The following PCSK1 variants were observed in gnomAD, a reference collection of about 807,000 sequenced individuals.
PCSK1 encodes neuroendocrine convertase 1.
PCSK1 carries 56 observed loss-of-function variants against 90.6 expected under a neutral mutation model. The observed-to-expected ratio is 0.62, with a 90% confidence interval of 0.50 to 0.77. The LOEUF is 0.77. PCSK1 is among the 30% of genes least tolerant of loss of function. The pLI is 0.00. For synonymous variants in PCSK1, 348 were observed against 342.4 expected (o/e 1.02, Z -0.18); for missense variants, 801 against 932.6 (o/e 0.86, Z 1.84).
chr5:96,423,082 C>T (rs986932039), intron 4 of PCSK1, among the ~76,000 whole-genome samples: 2 of 152,170 alleles, frequency 1.3e-5, no homozygotes, highest in Admixed American at 1.3e-4. Context: ...CCTTCTTCTC[C>T]CAACACATAT....
rs775618000 is a variant in PCSK1, at chr5:96,410,847, G to A, written c.1022C>T (p.Pro341Leu). ...ISSASQQGLS[P>L]WYAEKCSSTL... ...GGAGGAGCACTTCTCAGCGTACCAG[G>A]GGGATAGGCCTTGCTGGGAGGCACT... Residue 341 changes from proline to leucine, a missense_variant, in exon 8 of 14, where the codon CCC (proline) becomes CTC (leucine). Transcript: ENST00000311106. 1.9e-6 allele frequency: 3 copies of A among 1,614,122 alleles called. No individual in the cohort carries two copies. The highest frequency in any genetic ancestry group is 2.5e-6 in the Non-Finnish European group (3 of 1,179,972).
At chr5:96,431,340 C>T (rs767293943) in intron 1 of PCSK1, among the ~76,000 whole-genome samples, 8 of 152,176 alleles carry the variant, frequency 5.3e-5, no homozygotes, top group Non-Finnish European at 7.3e-5. Context: ...CTTCTGTTCC[C>T]GGAGCAAATG....
intron 4 of PCSK1, among the ~76,000 whole-genome samples, chr5:96,422,169 T>C (rs552983987): frequency 1.6e-4 from 23 of 145,008 alleles, no homozygotes; most frequent in African/African-American, 6.3e-4. Context: ...TGAGCCAGCA[T>C]TCAATTCTCA....
chr5:96,423,598 A>G (rs1761193067), intron 3 of PCSK1, 139 bp from the exon 4 acceptor site: 1 of 777,600 alleles, frequency 1.3e-6, no homozygotes, highest in Non-Finnish European at 2.2e-6. Context: ...ATTCAGTGAA[A>G]TGAGAAAACA....
chr5:96,415,123 GA>G (rs1324694051), intron 6 of PCSK1, among the ~76,000 whole-genome samples: 2 of 152,102 alleles, frequency 1.3e-5, no homozygotes, highest in African/African-American at 4.8e-5. Context: ...ATAAAGAGGA[GA>G]GACAGTTTTT....
Position 96,394,937 on chromosome 5 carries a change from G to C in PCSK1, c.1811C>G (p.Pro604Arg), listed in dbSNP as rs1377011540. ...TSSQPEHMKQPRVYTSYNTVQ... is the reference protein window; with the variant it reads ...TSSQPEHMKQRRVYTSYNTVQ... Reference sequence around the variant, plus strand: ...AGTGTTGTAGGACGTGTACACACGAGGCTGCTTCATATGCTCTGGCTGAGA... The same window carrying C: ...AGTGTTGTAGGACGTGTACACACGACGCTGCTTCATATGCTCTGGCTGAGA... The change falls in exon 13 of 14, where the codon CCT (proline) becomes CGT (arginine). Residue 604 changes from proline to arginine, a missense_variant. Pro to Arg is a moderately radical substitution (Grantham distance 103). Transcript: ENST00000311106. 6.2e-7 allele frequency: 1 copy of C among 1,614,034 alleles called. No homozygotes were observed. Among genetic ancestry groups the C allele is most frequent in the Non-Finnish European group, 8.5e-7 (1 of 1,179,904 alleles).
intron 9 of PCSK1, among the ~76,000 whole-genome samples, chr5:96,407,514 T>A (rs1760613877): frequency 6.6e-6 from 1 of 152,200 alleles, no homozygotes; most frequent in African/African-American, 2.4e-5. Context: ...AATGGTATAG[T>A]CATTCAAGGC....
In PCSK1 at chr5:96,393,223, C is replaced by T. The variant is rs772569593; in HGVS notation, c.2040G>A (p.Pro680=). 8.7e-6 allele frequency: 14 copies of T among 1,613,970 alleles called. No homozygotes were observed. The highest frequency in any genetic ancestry group is 6.7e-5 in the East Asian group (3 of 44,866). ...GGGACTTCTTTGGTGATTGCTTTGG[C>T]GGTGAGTTTTTACTGAAAGCACTTT... is the stretch of plus-strand genomic sequence containing the variant. ...LLQSAFSKNS[P]PKQSPKKSPS... The change falls in exon 14 of 14, where the codon CCG becomes CCA. Residue 680 remains proline (P), a synonymous_variant. Coordinates refer to ENST00000311106, the MANE Select transcript of PCSK1 (RefSeq NM_000439.5).
At position 96,422,077 on chromosome 5, in the gene PCSK1, G is replaced by C. The variant is rs1761149353; in HGVS notation, c.544-121C>G. 5.7e-6 allele frequency: 4 copies of C among 695,896 alleles called. No homozygotes were observed. The East Asian group carries it at 1.0e-4, about 17-fold the overall frequency. The allele number at this position is 695,896 out of a possible 1,614,324, so 43.1% of individuals were successfully genotyped here. On this transcript the variant is annotated intron_variant, in intron 4 of 13. Coordinates refer to ENST00000311106, the MANE Select transcript of PCSK1 (RefSeq NM_000439.5). ...TCCCATCCTGGCTGATAGCTCAAAA[G>C]CCTGCATTTTAGAGTTTCTGGCCGA...
Position 96,408,218 on chromosome 5 carries a change from CT to C in PCSK1, c.1196+4del. The C allele has an allele frequency of 6.2e-7, 1 of 1,608,374 alleles. No homozygotes were observed. Among genetic ancestry groups the C allele is most frequent in the South Asian group, 1.1e-5 (1 of 90,948 alleles). The stretch of plus-strand genomic sequence containing the variant: ...AAAGGTGATTAGAAGCTTTCTGGGC[CT>C]TACTTTGCTTCCAGGGCCAGAGCGA... On this transcript the variant is annotated splice_donor_region_variant and intron_variant, in intron 9 of 13. Coordinates refer to ENST00000311106, the MANE Select transcript of PCSK1 (RefSeq NM_000439.5).
At chr5:96,425,272 T>C (rs1761270946) in intron 3 of PCSK1, among the ~76,000 whole-genome samples, 1 of 152,216 alleles carries the variant, frequency 6.6e-6, no homozygotes. Flanking sequence ...ACAGCAACAC[T>C]TAACAATTTC....
intron 9 of PCSK1, among the ~76,000 whole-genome samples, chr5:96,407,785 C>G (rs1398972529): frequency 6.6e-6 from 1 of 152,128 alleles, no homozygotes; most frequent in African/African-American, 2.4e-5. Flanking sequence ...CTTACATATT[C>G]AAAGAAAGGA....
At chr5:96,409,985 A>G (rs909514419) in intron 8 of PCSK1, among the ~76,000 whole-genome samples, 1 of 152,166 alleles carries the variant, frequency 6.6e-6, no homozygotes, top group Non-Finnish European at 1.5e-5. Context: ...CCCACCCTCT[A>G]ATTAGATCAT....
chr5:96,393,930 A>G (rs781693862), intron 13 of PCSK1, among the ~76,000 whole-genome samples: 2 of 152,172 alleles, frequency 1.3e-5, no homozygotes, highest in African/African-American at 2.4e-5. Flanking sequence ...ACCTTGGCCA[A>G]CTGCTGTGGA....
chr5:96,408,653 C>T (rs997450458), intron 8 of PCSK1, among the ~76,000 whole-genome samples: 1 of 152,234 alleles, frequency 6.6e-6, no homozygotes, highest in Non-Finnish European at 1.5e-5. Context: ...GTGAATCATG[C>T]TGGCCCATTA....
chr5:96,417,715 C>A (rs753755099), intron 5 of PCSK1, among the ~76,000 whole-genome samples: 12 of 152,132 alleles, frequency 7.9e-5, no homozygotes, highest in Non-Finnish European at 1.2e-4. Flanking sequence ...TTTTTAAAAT[C>A]CCTTTGTTAC....
rs113894465 is a variant in PCSK1, at chr5:96,417,028, G to A, written c.621-907C>T. Among the ~76,000 whole-genome samples the A allele has an allele frequency of 9.7e-3, 1,474 of 152,312 alleles. 31 individuals carry two copies. Among genetic ancestry groups the A allele is most frequent in the African/African-American group, 0.034 (1,426 of 41,564 alleles). On this transcript the variant is annotated intron_variant, in intron 5 of 13. Transcript: ENST00000311106. ...TGGAAACAACCTGTAAGAGTGTGAA[G>A]GCTGTTGGTGGCTTGGAGGAGCCTA...
chr5:96,425,758 G>A (rs1257035434), intron 3 of PCSK1, 62 bp downstream of exon 3: 2 of 872,178 alleles, frequency 2.3e-6, no homozygotes, highest in Non-Finnish European at 3.9e-6. Flanking sequence ...TGTTGCAAAT[G>A]TAACAACATA....
At chr5:96,426,275 C>G (rs552213005) in intron 2 of PCSK1, among the ~76,000 whole-genome samples, 3 of 152,272 alleles carry the variant, frequency 2.0e-5, no homozygotes, top group Admixed American at 6.5e-5. Context: ...GGTTTCAGGG[C>G]TCCATGGCTG....
Sources: gnomAD v4.1 joint callset for allele counts (sites outside exome capture counted in the v4.1 genomes callset) on GRCh38, gnomAD v4.1.1 for gene constraint, MANE v1.5 for transcripts, NCBI Gene and HGNC (gene_info 2026-07-23, HGNC 2026-07-21) for gene names.